ARHGAP42: variants seen among roughly 807,000 people sequenced by gnomAD.
The protein encoded by ARHGAP42 is rho GTPase-activating protein 42.
ARHGAP42 carries 63 observed loss-of-function variants against 125.0 expected under a neutral mutation model. That is an observed-to-expected ratio of 0.50 (90% CI 0.41 to 0.62). The LOEUF is 0.62. Among genes scored for constraint, ARHGAP42 ranks in the 20% least tolerant of loss-of-function variants. The pLI, the probability that ARHGAP42 is intolerant of heterozygous loss-of-function variation, is 0.00. For synonymous variants in ARHGAP42, 339 were observed against 351.0 expected (o/e 0.97, Z 0.38); for missense variants, 766 against 1,024.2 (o/e 0.75, Z 3.44).
At chr11:100,795,041 T>C (rs2135032708) in intron 2 of ARHGAP42, 64 bp from the exon 3 acceptor site, 1 of 1,255,980 alleles carries the variant, frequency 8.0e-7, no homozygotes, top group Non-Finnish European at 1.1e-6. Flanking sequence ...ATGTTTCTTC[T>C]TGAGTAATTA....
At chr11:100,907,519 G>A (rs1334490630) in intron 4 of ARHGAP42, among the ~76,000 whole-genome samples, 5 of 152,206 alleles carry the variant, frequency 3.3e-5, no homozygotes, top group African/African-American at 9.6e-5. Flanking sequence ...GCAGATGGGG[G>A]AGTTGGTGGA....
chr11:100,820,096 A>C (rs17573475), intron 3 of ARHGAP42, among the ~76,000 whole-genome samples: 40,222 of 152,104 alleles, frequency 0.26, 5,608 homozygotes, highest in Non-Finnish European at 0.31. Flanking sequence ...CTTGGGTTTC[A>C]TATTATTTCG....
At chr11:100,729,811 C>CTTT (rs1218377976) in intron 1 of ARHGAP42, among the ~76,000 whole-genome samples, 3 of 133,672 alleles carry the variant, frequency 2.2e-5, no homozygotes, top group African/African-American at 5.5e-5. Flanking sequence ...AAATTTCTTT[C>CTTT]TTTTTTTTTT....
chr11:100,902,134 T>C (rs565206384), intron 4 of ARHGAP42, among the ~76,000 whole-genome samples: 7 of 152,354 alleles, frequency 4.6e-5, no homozygotes, highest in South Asian at 2.1e-4. Context: ...AATTGGCTCA[T>C]GTGGCTTATT....
chr11:100,781,875 C>A (rs1230820562), intron 2 of ARHGAP42, among the ~76,000 whole-genome samples: 4 of 151,992 alleles, frequency 2.6e-5, no homozygotes, highest in Non-Finnish European at 5.9e-5. Flanking sequence ...GGATTTGAAA[C>A]CATTTGGTGC....
At chr11:100,884,677 G>A (rs11224503) in intron 4 of ARHGAP42, among the ~76,000 whole-genome samples, 2 of 151,946 alleles carry the variant, frequency 1.3e-5, no homozygotes, top group Non-Finnish European at 2.9e-5. Flanking sequence ...CTGCCTCCGT[G>A]TCCCCCCAAC....
At chr11:100,920,006 T>C (rs977624752) in intron 5 of ARHGAP42, among the ~76,000 whole-genome samples, 4 of 152,202 alleles carry the variant, frequency 2.6e-5, no homozygotes. Context: ...ACTAAATTAA[T>C]TAATTCTTAT....
chr11:100,742,929 C>G (rs1293442193), intron 1 of ARHGAP42, among the ~76,000 whole-genome samples: 2 of 152,086 alleles, frequency 1.3e-5, no homozygotes, highest in African/African-American at 2.4e-5. Flanking sequence ...ATGTCTTTTT[C>G]CATCCCTTTA....
intron 4 of ARHGAP42, among the ~76,000 whole-genome samples, chr11:100,894,287 G>A (rs879811693): frequency 5.3e-5 from 8 of 152,194 alleles, no homozygotes; most frequent in Admixed American, 4.6e-4. Flanking sequence ...TGAGCTGTGT[G>A]AGTGGTGACC....
At chr11:100,802,449 G>C (rs12273786) in intron 3 of ARHGAP42, among the ~76,000 whole-genome samples, 1 of 136,072 alleles carries the variant, frequency 7.3e-6, no homozygotes, top group South Asian at 2.4e-4. Context: ...TTTTGAGGCA[G>C]AGTCTCACTC....
chr11:100,747,644 T>G (rs1289018554), intron 1 of ARHGAP42, among the ~76,000 whole-genome samples: 1 of 152,334 alleles, frequency 6.6e-6, no homozygotes. Flanking sequence ...AACAAAAATT[T>G]TTTTTAACCT....
chr11:100,725,129 T>C (rs907764860), intron 1 of ARHGAP42, among the ~76,000 whole-genome samples: 2 of 152,100 alleles, frequency 1.3e-5, no homozygotes, highest in Admixed American at 1.3e-4. Context: ...TATATAATTC[T>C]ATTTGCTCCC....
chr11:100,823,449 T>C (rs1864447058), intron 3 of ARHGAP42, among the ~76,000 whole-genome samples: 1 of 152,138 alleles, frequency 6.6e-6, no homozygotes, highest in South Asian at 2.1e-4. Flanking sequence ...TCATGTGACA[T>C]AGATTTTCTT....
At chr11:100,770,826 G>T (rs187969115) in intron 2 of ARHGAP42, among the ~76,000 whole-genome samples, 3 of 152,286 alleles carry the variant, frequency 2.0e-5, no homozygotes, top group East Asian at 3.9e-4. Context: ...TGATCCACCC[G>T]CCTCGACCTC....
chr11:100,722,729 G>C (rs1861784161), intron 1 of ARHGAP42, among the ~76,000 whole-genome samples: 1 of 152,178 alleles, frequency 6.6e-6, no homozygotes, highest in South Asian at 2.1e-4. Context: ...GTTTTGCAAA[G>C]CTTTACTTCC....
intron 21 of ARHGAP42, among the ~76,000 whole-genome samples, chr11:100,977,300 A>G (rs549207551): frequency 3.9e-5 from 6 of 152,342 alleles, no homozygotes; most frequent in Admixed American, 1.3e-4. Flanking sequence ...AAAGCTAAAC[A>G]TCCATCTCTC....
chr11:100,773,374 CA>C (rs1863028023), intron 2 of ARHGAP42, among the ~76,000 whole-genome samples: 1 of 152,062 alleles, frequency 6.6e-6, no homozygotes, highest in Non-Finnish European at 1.5e-5. Context: ...AGGATTATAG[CA>C]AATACTCCTG....
intron 13 of ARHGAP42, among the ~76,000 whole-genome samples, chr11:100,960,445 T>C (rs1857925418): frequency 6.6e-6 from 1 of 152,116 alleles, no homozygotes; most frequent in African/African-American, 2.4e-5. Context: ...TCATATTGGG[T>C]TTTGGAGTTC....
chr11:100,833,691 AG>A (rs1864713987), intron 3 of ARHGAP42, among the ~76,000 whole-genome samples: 1 of 152,140 alleles, frequency 6.6e-6, no homozygotes. Flanking sequence ...CCCAAGTGAA[AG>A]AGAGTTAGGA....
Sources: gnomAD v4.1 joint callset for allele counts (sites outside exome capture counted in the v4.1 genomes callset) on GRCh38, gnomAD v4.1.1 for gene constraint, MANE v1.5 for transcripts, NCBI Gene and HGNC (gene_info 2026-07-23, HGNC 2026-07-21) for gene names.